CHTF18: variants seen among roughly 807,000 people sequenced by gnomAD.
The protein encoded by CHTF18 is chromosome transmission fidelity factor 18.
Under a neutral mutation model 113.4 loss-of-function variants are expected in CHTF18, and 151 were observed. That is an observed-to-expected ratio of 1.33 (90% CI 1.17 to 1.52). CHTF18 has a LOEUF of 1.52. Ranked by LOEUF, CHTF18 falls within the 40% of genes most tolerant of loss-of-function variation. The pLI is 0.00. For missense variants in CHTF18, 1,982 were observed against 1,381.6 expected, an observed-to-expected ratio of 1.43 and a Z score of -6.89; for synonymous variants, 916 against 598.8, an observed-to-expected ratio of 1.53 and a Z score of -7.74.
chr16:794,952 G>A, intron 15 of CHTF18, 180 bp from the exon 16 acceptor site: 1 of 596,514 alleles, frequency 1.7e-6, no homozygotes, highest in Non-Finnish European at 3.0e-6. Context: ...GTGACCCCTT[G>A]CTGGTGTGTG....
At position 788,727 on chromosome 16, in the gene CHTF18, T is replaced by A. The variant is rs767457305; in HGVS notation, c.43T>A (p.Phe15Ile). Residue 15 changes from phenylalanine (F) to isoleucine (I), a missense_variant, in exon 1 of 22, where the codon TTC (phenylalanine) becomes ATC (isoleucine). Transcript: ENST00000262315. ...GGAGCTGTGCGGCGTCGAGGATGAT[T>A]TCCACAACCAGTTCGCGGCCGAGCT... ...EQELCGVEDD[F>I]HNQFAAELEV... The A allele has an allele frequency of 6.9e-6, 11 of 1,603,162 alleles. No homozygotes were observed. In the Admixed American group the frequency reaches 1.9e-4, roughly 27 times the overall value.
At chr16:796,111 G>C in intron 18 of CHTF18, 34 bp downstream of exon 18, 1 of 1,583,834 alleles carries the variant, frequency 6.3e-7, no homozygotes, top group Non-Finnish European at 8.6e-7. Flanking sequence ...GTGCTCCAGG[G>C]TCATGCTCCC....
rs2042359195 is a variant in CHTF18 at position 796,750 on chromosome 16, G to T, written c.2490G>T (p.Leu830=). The T allele has an allele frequency of 1.2e-6, 2 of 1,606,022 alleles. No individual in the cohort carries two copies. The highest frequency in any genetic ancestry group is 1.7e-6 in the Non-Finnish European group (2 of 1,179,436). ...NVEELCRFPE[L]PARKPLTYQT... ...AGGAACTCTGCCGCTTCCCTGAGCTGCCTGCCCGCAAGCCCCTCACCTACC... is the reference window on the plus strand; with the variant it reads ...AGGAACTCTGCCGCTTCCCTGAGCTTCCTGCCCGCAAGCCCCTCACCTACC... The change falls in exon 19 of 22, where the codon CTG becomes CTT. Residue 830 remains leucine (L), a synonymous_variant. Transcript: ENST00000262315.
Position 796,953 on chromosome 16 carries a change from C to A in CHTF18, c.2602-8C>A, listed in dbSNP as rs1429474294. ...GTGGCCAGATCTCACAATGCCTGCT[C>A]CCTACAGGTGGATGGGAGCCCCCCA... On this transcript the variant is annotated splice_polypyrimidine_tract_variant and splice_region_variant and intron_variant, in intron 19 of 21. Coordinates refer to ENST00000262315, the MANE Select transcript of CHTF18 (RefSeq NM_022092.3). The A allele has an allele frequency of 6.5e-7, 1 of 1,529,024 alleles. No homozygotes were observed. Among genetic ancestry groups the A allele is most frequent in the East Asian group, 2.3e-5 (1 of 42,680 alleles). The allele number at this position is 1,529,024 out of a possible 1,614,324, so 94.7% of individuals were successfully genotyped here.
At chr16:788,893 G>T in intron 1 of CHTF18, 38 bp from the exon 2 acceptor site, 1 of 1,506,162 alleles carries the variant, frequency 6.6e-7, no homozygotes, top group Non-Finnish European at 8.8e-7. Context: ...GGGATCTGCT[G>T]TCTCGGGGCG....
Position 794,209 on chromosome 16 carries a change from T to G in CHTF18, c.1950+8T>G, listed in dbSNP as rs1397004766. The G allele has an allele frequency of 1.9e-6, 3 of 1,608,190 alleles. No individual in the cohort carries two copies. Among genetic ancestry groups the G allele is most frequent in the Non-Finnish European group, 2.5e-6 (3 of 1,176,488 alleles). The stretch of plus-strand genomic sequence containing the variant: ...CACGAGAAGGTGGTCCAGGTACCTG[T>G]CTTCCACCAAAATGCCTGCCTGGGG... On this transcript the variant is annotated splice_region_variant and intron_variant, in intron 15 of 21. Coordinates refer to ENST00000262315, the MANE Select transcript of CHTF18 (RefSeq NM_022092.3).
rs1407414969 is a variant in CHTF18 at position 791,094 on chromosome 16, C to T, written c.895-67C>T. 5 of 1,542,348 alleles carry T rather than the reference C, an allele frequency of 3.2e-6. No homozygotes were observed. The African/African-American group carries it at 4.1e-5, about 13-fold the overall frequency. On this transcript the variant is annotated intron_variant, in intron 7 of 21. Transcript: ENST00000262315. ...CCATGGGGCATGGGGCTCATGGTGG[C>T]AGGTGGACTGTCCGTGCCTGGAGGC...
At position 788,655 on chromosome 16, in the gene CHTF18, T is replaced by TCGGAGCGGGAGCTC. The variant is rs754549414; in HGVS notation, c.-29_-16dup. On this transcript the variant is annotated 5_prime_UTR_variant, in exon 1 of 22. Transcript: ENST00000262315. ...CGACGGCGGCGGCGGCGCGGGAGGT[T>TCGGAGCGGGAGCTC]CGGAGCGGGAGCTCGGGCTCGCGGA... 2.0e-6 allele frequency: 3 copies of TCGGAGCGGGAGCTC among 1,488,700 alleles called. No individual in the cohort carries two copies. The highest frequency in any genetic ancestry group is 1.3e-5 in the South Asian group (1 of 77,564). 92.2% of individuals were successfully genotyped at this position (1,488,700 alleles called of 1,614,324 possible).
rs1391063964 is a variant in CHTF18, at chr16:789,143, C to T, written c.286+18C>T. The T allele has an allele frequency of 7.1e-6, 11 of 1,549,092 alleles. No homozygotes were observed. The highest frequency in any genetic ancestry group is 2.0e-5 in the Admixed American group (1 of 50,942). On this transcript the variant is annotated intron_variant, in intron 2 of 21. Transcript: ENST00000262315. ...GCCCCACGGTAGGTTGGCGGCATTG[C>T]CCCAGGGCCTCCGGAGTGGGCGCGA... is the stretch of plus-strand genomic sequence containing the variant.
chr16:789,883 C>T (rs1229084795), intron 4 of CHTF18, 168 bp downstream of exon 4: 5 of 1,350,076 alleles, frequency 3.7e-6, no homozygotes, highest in Admixed American at 4.1e-5. Context: ...GACACAGCCT[C>T]CCCACAGCAG....
chr16:795,092 T>C (rs2042299844), intron 15 of CHTF18, 40 bp from the exon 16 acceptor site: 9 of 1,477,840 alleles, frequency 6.1e-6, no homozygotes, highest in Non-Finnish European at 8.2e-6. Context: ...GCACCTTCCC[T>C]GGGGTGGGCA....
At position 797,743 on chromosome 16, in the gene CHTF18, C is replaced by T. The variant is rs2294451; in HGVS notation, c.2783C>T (p.Pro928Leu). 0.21 allele frequency: 326,202 copies of T among 1,586,012 alleles called. 34,708 individuals are homozygous for T. Among genetic ancestry groups the T allele is most frequent in the East Asian group, 0.27 (11,745 of 44,250 alleles). Residue 928 changes from proline to leucine, a missense_variant, in exon 21 of 22, where the codon CCG becomes CTG. Pro to Leu is a moderately conservative substitution (Grantham distance 98). Coordinates refer to ENST00000262315, the MANE Select transcript of CHTF18 (RefSeq NM_022092.3). ...GTGGTCGTCAGGAGCACAGCAGTCC[C>T]GAGTGCAGGTGTGTGTGGGGGTGTT... ...GRVVVRSTAV[P>L]SAGDTAPEQD...
Position 789,114 on chromosome 16 carries a change from C to G in CHTF18, c.275C>G (p.Ser92Cys), listed in dbSNP as rs1238372832. Reference sequence around the variant, plus strand: ...GACGCCGACCTGCAGCCGGCCGGGTCCCTGCCCCACGGTAGGTTGGCGGCA... The same window carrying G: ...GACGCCGACCTGCAGCCGGCCGGGTGCCTGCCCCACGGTAGGTTGGCGGCA... ...QVDADLQPAGSLPHAPRIKRP... is the reference protein window; with the variant it reads ...QVDADLQPAGCLPHAPRIKRP... Residue 92 changes from serine to cysteine, a missense_variant, in exon 2 of 22, where the codon TCC (serine) becomes TGC (cysteine). Ser to Cys is a moderately radical substitution (Grantham distance 112). Transcript: ENST00000262315. 1.3e-6 allele frequency: 2 copies of G among 1,537,350 alleles called. No individual in the cohort carries two copies. Among genetic ancestry groups the G allele is most frequent in the South Asian group, 1.2e-5 (1 of 83,036 alleles).
chr16:792,125 A>C (rs2042213450), intron 9 of CHTF18, 99 bp from the exon 10 acceptor site: 2 of 1,526,292 alleles, frequency 1.3e-6, no homozygotes, highest in Non-Finnish European at 1.8e-6. Flanking sequence ...CAGCCGCGTC[A>C]TGTGACGGTC....
intron 16 of CHTF18, 87 bp downstream of exon 16, chr16:795,443 G>A (rs111594993): frequency 3.0e-5 from 10 of 335,938 alleles, no homozygotes; most frequent in Middle Eastern, 8.7e-4. Flanking sequence ...CCCCGTGCCC[G>A]CCCCCCCAAA....
Position 795,912 on chromosome 16 carries a change from G to A in CHTF18, c.2326-35G>A, listed in dbSNP as rs756002123. On this transcript the variant is annotated intron_variant, in intron 17 of 21. Transcript: ENST00000262315. ...AGGTGAGCACACATTTGTACAGCCT[G>A]CTCAGCTCCCTGTCTGCTGCCTCCC... The A allele has an allele frequency of 7.5e-6, 12 of 1,601,570 alleles. 1 individual carries two copies. Among genetic ancestry groups the A allele is most frequent in the Admixed American group, 5.0e-5 (3 of 59,468 alleles).
chr16:790,511 G>A lies in CHTF18; in HGVS notation c.753-14G>A, dbSNP rs369587408. 186 of 1,604,012 alleles carry A rather than the reference G, an allele frequency of 1.2e-4. No individual in the cohort carries two copies. Among genetic ancestry groups the A allele is most frequent in the Non-Finnish European group, 1.5e-4 (179 of 1,176,046 alleles). On this transcript the variant is annotated splice_polypyrimidine_tract_variant and intron_variant, in intron 6 of 21. Coordinates refer to ENST00000262315, the MANE Select transcript of CHTF18 (RefSeq NM_022092.3). ...CTGCGAGTTGTTTGTGGCTCAGGAC[G>A]TGGTCCTCTCCAGTCTCAGGTCGGG...
intron 14 of CHTF18, chr16:793,842 G>T: frequency 1.6e-6 from 1 of 640,970 alleles, no homozygotes; most frequent in Non-Finnish European, 2.7e-6. Context: ...GCTCCTCTCA[G>T]AGTGGGGCTC....
rs769161758 is a variant in CHTF18, at chr16:797,036, C to A, written c.2677C>A (p.Arg893Ser). 10 of 1,561,760 alleles carry A rather than the reference C, an allele frequency of 6.4e-6. No homozygotes were observed. In the African/African-American group the frequency reaches 1.2e-4, roughly 19 times the overall value. The change falls in exon 20 of 22, where the codon CGC (arginine) becomes AGC (serine). Residue 893 changes from arginine to serine, a missense_variant. By Grantham distance (110) the Arg-to-Ser change is moderately radical. Coordinates refer to ENST00000262315, the MANE Select transcript of CHTF18 (RefSeq NM_022092.3). Reference sequence around the variant, plus strand: ...GAAAGGGGTGCACCGACCTGCCCCACGCAACCATGAGCAGCGGCTGGAGCA... The same window carrying A: ...GAAAGGGGTGCACCGACCTGCCCCAAGCAACCATGAGCAGCGGCTGGAGCA... ...GEKGVHRPAP[R>S]NHEQRLEHIM...
Sources: allele counts gnomAD v4.1 joint callset, GRCh38; gene constraint gnomAD v4.1.1; transcripts MANE v1.5; gene names NCBI Gene and HGNC (gene_info 2026-07-23, HGNC 2026-07-21).